The following CTBP2 variants were observed in gnomAD, a reference collection of about 807,000 sequenced individuals.
CTBP2 encodes C-terminal binding protein 2, also known as C-terminal-binding protein 2.
A neutral mutation model predicts 80.3 loss-of-function variants in CTBP2; 30 were observed. That is an observed-to-expected ratio of 0.37 (90% CI 0.28 to 0.51). CTBP2 has a LOEUF of 0.51. Among genes scored for constraint, CTBP2 ranks in the 20% least tolerant of loss-of-function variants. CTBP2 has a pLI of 0.93. For missense variants in CTBP2, 1,212 were observed against 1,375.3 expected (o/e 0.88, Z 1.88); for synonymous variants, 594 against 587.4 (o/e 1.01, Z -0.16).
At chr10:125,040,960 T>A (rs947245364) in intron 2 of CTBP2, among the ~76,000 whole-genome samples, 1 of 152,258 alleles carries the variant, frequency 6.6e-6, no homozygotes, top group Admixed American at 6.5e-5. Flanking sequence ...GATTGGGAAG[T>A]TCCCCCAAAA....
intron 2 of CTBP2, 23 bp from the exon 3 acceptor site, chr10:125,039,178 C>T (rs1959172965): frequency 2.5e-6 from 2 of 814,586 alleles, no homozygotes; most frequent in Non-Finnish European, 3.9e-6. Context: ...GAAAAGAATC[C>T]TTACTCTCTG....
At chr10:125,006,187 G>C (rs969917358) in intron 1 of CTBP2, among the ~76,000 whole-genome samples, 1 of 152,120 alleles carries the variant, frequency 6.6e-6, no homozygotes, top group Admixed American at 6.5e-5. Context: ...GCTGGCCCGA[G>C]ACCTGTCCAA....
At chr10:124,999,862 C>T (rs994444092) in intron 3 of CTBP2, 6 of 152,246 alleles carry the variant, frequency 3.9e-5, no homozygotes, top group Admixed American at 6.5e-5. Context: ...ATTCCTCGGG[C>T]AGGCTAAAGC....
chr10:125,008,145 G>A (rs1185604848), intron 1 of CTBP2, among the ~76,000 whole-genome samples: 4 of 152,138 alleles, frequency 2.6e-5, no homozygotes, highest in Admixed American at 6.5e-5. Flanking sequence ...AGGGTTTCGC[G>A]ATGTTGGCCA....
In CTBP2 at chr10:125,096,894, T is replaced by C. The variant is rs189584912; in HGVS notation, c.-102+14096A>G. ...TCATTAAACTGTGCAACATGAATTA[T>C]TGGAACTGTAGCAGCGAATTAACTC... On this transcript the variant is annotated intron_variant, in intron 2 of 10. Coordinates refer to the CTBP2 transcript ENST00000337195. Among the ~76,000 whole-genome samples the C allele has an allele frequency of 1.3e-3, 191 of 152,304 alleles. 1 individual carries two copies. The East Asian group carries it at 0.014, about 11-fold the overall frequency.
At chr10:125,098,644 AAATGGGGGAGGGG>A (rs1849934095) in intron 2 of CTBP2, among the ~76,000 whole-genome samples, 1 of 71,096 alleles carries the variant, frequency 1.4e-5, no homozygotes, top group African/African-American at 5.7e-5. Flanking sequence ...ACAGAGAGAG[AAATGGGGGAGGGG>A]GAGAGAGAGA....
At chr10:125,129,025 T>C (rs1290992334) in intron 1 of CTBP2, among the ~76,000 whole-genome samples, 1 of 152,148 alleles carries the variant, frequency 6.6e-6, no homozygotes, top group South Asian at 2.1e-4. Flanking sequence ...AAATACATCA[T>C]GTGTGTGGCA....
chr10:124,997,906 C>CA, intron 4 of CTBP2, 58 bp downstream of exon 6: 1 of 1,556,726 alleles, frequency 6.4e-7, no homozygotes, highest in Non-Finnish European at 8.7e-7. Context: ...GAGGGGTCCC[C>CA]ACTACACCAG....
At chr10:125,106,557 A>G (rs1020751129) in intron 2 of CTBP2, among the ~76,000 whole-genome samples, 2 of 152,216 alleles carry the variant, frequency 1.3e-5, no homozygotes, top group Non-Finnish European at 2.9e-5. Flanking sequence ...CGGAAAGAGA[A>G]GCGGACACCA....
chr10:125,013,674 A>G (rs947472907), intron 1 of CTBP2, among the ~76,000 whole-genome samples: 2 of 152,172 alleles, frequency 1.3e-5, no homozygotes, highest in Non-Finnish European at 1.5e-5. Context: ...CTGTTTCCCC[A>G]GCAGGTAACG....
At chr10:125,044,792 TA>T (rs1432869834) in intron 2 of CTBP2, among the ~76,000 whole-genome samples, 1 of 152,046 alleles carries the variant, frequency 6.6e-6, no homozygotes, top group Non-Finnish European at 1.5e-5. Context: ...CAAAGCCAGA[TA>T]TAACAAAATA....
intron 2 of CTBP2, among the ~76,000 whole-genome samples, chr10:125,102,028 T>C (rs1415028089): frequency 6.6e-6 from 1 of 152,182 alleles, no homozygotes; most frequent in Non-Finnish European, 1.5e-5. Context: ...GACTCAGCAG[T>C]CATTCTTGAC....
intron 2 of CTBP2, among the ~76,000 whole-genome samples, chr10:125,081,986 C>A (rs953642069): frequency 6.6e-6 from 1 of 152,076 alleles, no homozygotes; most frequent in Non-Finnish European, 1.5e-5. Flanking sequence ...GCATGGTCAG[C>A]GCTGCCCAGG....
intron 1 of CTBP2, among the ~76,000 whole-genome samples, chr10:125,159,327 C>T (rs1241561987): frequency 1.5e-5 from 2 of 132,802 alleles, no homozygotes; most frequent in Non-Finnish European, 3.3e-5. Context: ...GGGAGGCGGG[C>T]GGGCCGGGCT....
chr10:125,138,105 C>G (rs2133222353), intron 1 of CTBP2: 1 of 152,358 alleles, frequency 6.6e-6, no homozygotes, highest in African/African-American at 2.4e-5. Context: ...CCGCAAAGCC[C>G]TAGACACACA....
At chr10:125,130,245 A>G (rs1191616290) in intron 1 of CTBP2, among the ~76,000 whole-genome samples, 1 of 152,004 alleles carries the variant, frequency 6.6e-6, no homozygotes, top group Non-Finnish European at 1.5e-5. Flanking sequence ...ATGGGGTTTC[A>G]TCATATTGGT....
At chr10:125,158,860 G>C (rs1193073130) in intron 1 of CTBP2, 2 of 152,154 alleles carry the variant, frequency 1.3e-5, no homozygotes, top group Non-Finnish European at 2.9e-5. Context: ...CGCTCACTCC[G>C]TGTCCGCGAC....
At chr10:125,020,285 C>T in intron 1 of CTBP2, among the ~76,000 whole-genome samples, 1 of 152,036 alleles carries the variant, frequency 6.6e-6, no homozygotes, top group East Asian at 1.9e-4. Flanking sequence ...GTTCTCACAG[C>T]ACTGGGTGGG....
chr10:125,027,702 C>A lies in CTBP2; in HGVS notation c.58G>T (p.Gly20Trp). 6.2e-7 allele frequency: 1 copy of A among 1,613,464 alleles called. No individual in the cohort carries two copies. ...TTCTCCCAGGGGCCCTCGTACCACC[C>A]AGCAGCATCCCAGCTCTGAGAACGA... The change falls in exon 1 of 9, where the codon GGG (glycine) becomes TGG (tryptophan). Residue 20 changes from glycine (G) to tryptophan (W), a missense_variant. Around this residue, in one of 3 missense-constraint regions of CTBP2, gnomAD observed 848 missense variants for 782.3 expected, o/e 1.08. Coordinates refer to ENST00000309035, the MANE Select transcript of CTBP2 (RefSeq NM_022802.3).
Sources: gnomAD v4.1 joint callset for allele counts (sites outside exome capture counted in the v4.1 genomes callset) on GRCh38, gnomAD v4.1.1 for gene constraint, gnomAD v4.1.1 regional missense constraint, MANE v1.5 for transcripts, NCBI Gene and HGNC (gene_info 2026-07-23, HGNC 2026-07-21) for gene names.